The following GSPT1 variants were observed in gnomAD, a reference collection of about 807,000 sequenced individuals.
GSPT1 encodes the protein eukaryotic peptide chain release factor GTP-binding subunit ERF3A.
GSPT1 carries 20 observed loss-of-function variants against 72.5 expected under a neutral mutation model. That is an observed-to-expected ratio of 0.28 (90% CI 0.19 to 0.40). The LOEUF is 0.40. Among genes scored for constraint, GSPT1 ranks in the 10% least tolerant of loss-of-function variants. The pLI, the probability that GSPT1 is intolerant of heterozygous loss-of-function variation, is 1.00. For missense variants in GSPT1, 580 were observed against 811.9 expected, an observed-to-expected ratio of 0.71 and a Z score of 3.47; for synonymous variants, 334 against 293.5, an observed-to-expected ratio of 1.14 and a Z score of -1.41.
intron 1 of GSPT1, chr16:11,915,037 G>C: frequency 7.7e-7 from 1 of 1,290,656 alleles, no homozygotes; most frequent in Non-Finnish European, 1.0e-6. Context: ...CTCGTGGCAG[G>C]GATCCGCCGC....
chr16:11,898,759 C>A (rs1248817564), intron 1 of GSPT1, among the ~76,000 whole-genome samples: 2 of 151,982 alleles, frequency 1.3e-5, no homozygotes, highest in African/African-American at 4.8e-5. Flanking sequence ...CTGTGATTAG[C>A]CCTTTTTAAT....
upstream of GSPT1, chr16:11,916,145 CGGTTTTCCCGGG>C: frequency 2.7e-6 from 1 of 371,002 alleles, no homozygotes; most frequent in Non-Finnish European, 5.2e-6. Flanking sequence ...TACCCCGCTG[CGGTTTTCCCGGG>C]GGCCGACGGG....
intron 1 of GSPT1, 29 bp downstream of exon 1, chr16:11,915,340 G>A: frequency 7.0e-7 from 1 of 1,436,764 alleles, no homozygotes; most frequent in Non-Finnish European, 9.1e-7. Context: ...GCGCCCGGCC[G>A]GACTTCCTCC....
At chr16:11,894,089 G>C (rs1278203474) in intron 5 of GSPT1, among the ~76,000 whole-genome samples, 1 of 142,798 alleles carries the variant, frequency 7.0e-6, no homozygotes, top group African/African-American at 2.6e-5. Flanking sequence ...CCAGGAGGTC[G>C]AGGCTGCAGT....
In GSPT1 at chr16:11,869,560, C is replaced by T. The variant is rs894777829; in HGVS notation, c.*3559G>A. ...TAAAATCAGAGCTATAGTGCTATAACCACATTTTTCACAAAGGGTTTTAAA... is the reference window on the plus strand; with the variant it reads ...TAAAATCAGAGCTATAGTGCTATAATCACATTTTTCACAAAGGGTTTTAAA... On this transcript the variant is annotated 3_prime_UTR_variant, in exon 15 of 15. Coordinates refer to ENST00000434724, the MANE Select transcript of GSPT1 (RefSeq NM_002094.4). 6.6e-6 allele frequency: 1 copy of T among 152,174 alleles called. No individual in the cohort carries two copies. Among genetic ancestry groups the T allele is most frequent in the Non-Finnish European group, 1.5e-5 (1 of 68,046 alleles). 9.4% of individuals were successfully genotyped at this position (152,174 alleles called of 1,614,324 possible). A position where few individuals can be genotyped will look rare whatever the true frequency, so the allele number is the denominator to read the frequency against.
At chr16:11,888,644 C>G (rs1316642633) in intron 6 of GSPT1, among the ~76,000 whole-genome samples, 1 of 152,010 alleles carries the variant, frequency 6.6e-6, no homozygotes, top group African/African-American at 2.4e-5. Context: ...CGCCTGTAGT[C>G]CCAGCTACTC....
At chr16:11,916,174 A>G (rs1057036287), upstream of GSPT1, 1 of 363,694 alleles carries the variant, frequency 2.7e-6, no homozygotes, top group Non-Finnish European at 5.4e-6. Context: ...CGGGAGTCGA[A>G]GTTCAGGGAC....
rs1276487003 is a variant in GSPT1, at chr16:11,887,027, T to TG, written c.958-97_958-96insC. ...CCTTTCAGTTATATCACGAGTTTTT[T>TG]TTTTTTTTTTTGCAAGAAAATAGAA... On this transcript the variant is annotated intron_variant, in intron 7 of 14. Transcript: ENST00000434724. 4.0e-5 allele frequency: 40 copies of TG among 991,174 alleles called. 1 individual carries two copies. The South Asian group carries it at 6.4e-4, about 16-fold the overall frequency. The allele number at this position is 991,174 out of a possible 1,614,324, so 61.4% of individuals were successfully genotyped here.
intron 14 of GSPT1, among the ~76,000 whole-genome samples, chr16:11,874,104 C>T (rs1349861962): frequency 6.6e-6 from 1 of 151,866 alleles, no homozygotes; most frequent in Non-Finnish European, 1.5e-5. Flanking sequence ...AAAATGGTTG[C>T]CTGGGGTGGA....
rs1293065653 is a variant in GSPT1 at position 11,915,729 on chromosome 16, G to C, written c.-9C>G. 6.6e-7 allele frequency: 1 copy of C among 1,523,454 alleles called. No homozygotes were observed. The highest frequency in any genetic ancestry group is 8.8e-7 in the Non-Finnish European group (1 of 1,142,234). 94.4% of individuals were successfully genotyped at this position (1,523,454 alleles called of 1,614,324 possible). ...CCACTGCCCGGATCCATGATCGGGG[G>C]GGCCGTGTGTGTGGTGGACAGAGAG... On this transcript the variant is annotated 5_prime_UTR_variant, in exon 1 of 15. Transcript: ENST00000434724.
chr16:11,894,520 T>C (rs781165814), intron 5 of GSPT1, among the ~76,000 whole-genome samples: 3 of 152,214 alleles, frequency 2.0e-5, no homozygotes, highest in Non-Finnish European at 2.9e-5. Flanking sequence ...TTCCCATGTA[T>C]GTTATATGCA....
chr16:11,870,323 G>A lies in GSPT1; in HGVS notation c.*2796C>T, dbSNP rs908315521. On this transcript the variant is annotated 3_prime_UTR_variant, in exon 15 of 15. Coordinates refer to ENST00000434724, the MANE Select transcript of GSPT1 (RefSeq NM_002094.4). Reference sequence around the variant, plus strand: ...AAGGGTTTAAAATGGCAATTACTTAGATGTTTATTTCAATATTTCTTAAAT... The same window carrying A: ...AAGGGTTTAAAATGGCAATTACTTAAATGTTTATTTCAATATTTCTTAAAT... The A allele has an allele frequency of 2.6e-5, 4 of 152,064 alleles. No homozygotes were observed. The highest frequency in any genetic ancestry group is 7.2e-5 in the African/African-American group (3 of 41,422). 9.4% of individuals were successfully genotyped at this position (152,064 alleles called of 1,614,324 possible). A position where few individuals can be genotyped will look rare whatever the true frequency, so the allele number is the denominator to read the frequency against.
At position 11,891,774 on chromosome 16, in the gene GSPT1, T is replaced by C. The variant is rs370237246; in HGVS notation, c.699-635A>G. On this transcript the variant is annotated intron_variant, in intron 5 of 14. Coordinates refer to ENST00000434724, the MANE Select transcript of GSPT1 (RefSeq NM_002094.4). ...TCCTCCTGGGTTCAAGCGATTCTCC[T>C]GTCTCAGCCTCTCAAGTAGCTGGGA... Among the ~76,000 whole-genome samples, 8 of 151,584 alleles carry C rather than the reference T, an allele frequency of 5.3e-5. No individual in the cohort carries two copies. In the East Asian group the frequency reaches 1.2e-3, roughly 22 times the overall value.
At chr16:11,909,457 G>A (rs557885363) in intron 1 of GSPT1, among the ~76,000 whole-genome samples, 6 of 152,228 alleles carry the variant, frequency 3.9e-5, no homozygotes, top group South Asian at 2.1e-4. Context: ...CCAAATTCTT[G>A]TCTCCCGAAG....
At position 11,886,490 on chromosome 16, in the gene GSPT1, C is replaced by T. The variant is rs373838495; in HGVS notation, c.1234G>A (p.Asp412Asn). 6.2e-7 allele frequency: 1 copy of T among 1,612,636 alleles called. No homozygotes were observed. The highest frequency in any genetic ancestry group is 2.2e-5 in the East Asian group (1 of 44,856). The change falls in exon 9 of 15, where the codon GAT (aspartate) becomes AAT (asparagine). Residue 412 changes from aspartate to asparagine, a missense_variant. Physicochemically the swap from Asp to Asn is conservative, Grantham distance 23. Around this residue, in one of 6 missense-constraint regions of GSPT1, gnomAD observed 45 missense variants for 43.0 expected, o/e 1.05. Transcript: ENST00000434724. Reference protein sequence around the residue: ...LTGANLKEQSDFCPWYIGLPF... With the variant: ...LTGANLKEQSNFCPWYIGLPF... The stretch of plus-strand genomic sequence containing the variant: ...ACTTACATGTACCAAGGACAGAAAT[C>T]CGACTGCTCTTTGAGATTTGCTCCA...
chr16:11,886,751 A>G, intron 8 of GSPT1, 26 bp downstream of exon 8: 1 of 1,604,382 alleles, frequency 6.2e-7, no homozygotes, highest in Non-Finnish European at 8.5e-7. Context: ...TCCCACTAAC[A>G]TAAAATACCA....
chr16:11,898,707 C>T (rs1236632517), intron 1 of GSPT1, among the ~76,000 whole-genome samples: 1 of 152,074 alleles, frequency 6.6e-6, no homozygotes, highest in African/African-American at 2.4e-5. Flanking sequence ...ACCTCGGCCT[C>T]CCAAAGTGCT....
At chr16:11,898,963 A>G (rs1315676740) in intron 1 of GSPT1, among the ~76,000 whole-genome samples, 2 of 152,196 alleles carry the variant, frequency 1.3e-5, no homozygotes, top group Non-Finnish European at 2.9e-5. Context: ...GCCACACTGC[A>G]AATTTACTTA....
chr16:11,916,126 C>G (rs547224124), upstream of GSPT1: 2 of 411,186 alleles, frequency 4.9e-6, no homozygotes, highest in Non-Finnish European at 9.4e-6. Context: ...GTTCCGGCAG[C>G]GCCCGCGCTA....
Sources: allele counts gnomAD v4.1 joint callset (sites outside exome capture counted in the v4.1 genomes callset), GRCh38; gene constraint gnomAD v4.1.1; regional missense constraint gnomAD v4.1.1; transcripts MANE v1.5; gene names NCBI Gene and HGNC (gene_info 2026-07-23, HGNC 2026-07-21).